The following VPS13D variants were observed in gnomAD, a reference collection of about 807,000 sequenced individuals.
The protein encoded by VPS13D is vacuolar protein sorting 13 homolog D, also known as intermembrane lipid transfer protein VPS13D.
VPS13D carries 187 observed loss-of-function variants against 461.9 expected under a neutral mutation model. The observed-to-expected ratio is 0.40, with a 90% CI of 0.36 to 0.46. The LOEUF (loss-of-function observed/expected upper bound fraction) is 0.46, where lower values mean the gene tolerates loss of function less well. Among genes scored for constraint, VPS13D ranks in the 20% least tolerant of loss-of-function variants. The pLI is 0.60. For synonymous variants in VPS13D, 1,951 were observed against 1,986.3 expected, an observed-to-expected ratio of 0.98 and a Z score of 0.47; for missense variants, 4,711 against 5,364.9, an observed-to-expected ratio of 0.88 and a Z score of 3.81.
chr1:12,366,279 T>G (rs1444885394), intron 52 of VPS13D, among the ~76,000 whole-genome samples: 1 of 152,190 alleles, frequency 6.6e-6, no homozygotes, highest in Non-Finnish European at 1.5e-5. Context: ...TTAATTATAC[T>G]TTGCCCTTGT....
At chr1:12,477,002 C>T (rs1191450285) in intron 67 of VPS13D, among the ~76,000 whole-genome samples, 2 of 152,252 alleles carry the variant, frequency 1.3e-5, no homozygotes, top group East Asian at 3.8e-4. Flanking sequence ...TGATTTGAAA[C>T]AGACCACTGG....
At position 12,507,143 on chromosome 1, in the gene VPS13D, G is replaced by C. The variant is rs12032560; in HGVS notation, c.13035+50G>C. ...TCCTGAGGGGCGGGGCCAGGGCCTC[G>C]ATGCCTCTGCCCTGCTTCCCCGTCC... is the stretch of plus-strand genomic sequence containing the variant. On this transcript the variant is annotated intron_variant, in intron 69 of 69. Coordinates refer to ENST00000620676, the MANE Select transcript of VPS13D (RefSeq NM_015378.4). The surrounding 1 kb of genome is among the most constrained non-coding windows in gnomAD (Gnocchi z 5.3). 1 of 1,611,134 alleles carries C rather than the reference G, an allele frequency of 6.2e-7. No individual in the cohort carries two copies. Among genetic ancestry groups the C allele is most frequent in the Non-Finnish European group, 8.5e-7 (1 of 1,178,376 alleles).
intron 65 of VPS13D, among the ~76,000 whole-genome samples, chr1:12,417,513 G>T (rs951560487): frequency 6.6e-6 from 1 of 152,114 alleles, no homozygotes; most frequent in African/African-American, 2.4e-5. Flanking sequence ...CACTTTTCTT[G>T]TAGAGACTGG....
intron 35 of VPS13D, among the ~76,000 whole-genome samples, chr1:12,325,273 T>C (rs1023839235): frequency 6.6e-6 from 1 of 151,986 alleles, no homozygotes; most frequent in African/African-American, 2.4e-5. Context: ...TTTTTTTTTT[T>C]CTTTGAGACA....
intron 65 of VPS13D, among the ~76,000 whole-genome samples, chr1:12,453,108 A>G (rs1474884161): frequency 2.0e-5 from 3 of 152,216 alleles, no homozygotes; most frequent in Non-Finnish European, 4.4e-5. Flanking sequence ...GAGAACACCC[A>G]GGACCCAGTT....
At chr1:12,334,994 A>G (rs1200456218) in intron 38 of VPS13D, among the ~76,000 whole-genome samples, 2 of 152,214 alleles carry the variant, frequency 1.3e-5, no homozygotes, top group Non-Finnish European at 2.9e-5. Flanking sequence ...TAATTAGTAT[A>G]AAAGATCTTC....
chr1:12,478,324 A>G (rs1029364104), intron 67 of VPS13D, among the ~76,000 whole-genome samples: 4 of 152,248 alleles, frequency 2.6e-5, no homozygotes, highest in African/African-American at 7.2e-5. Context: ...CATAAATTTA[A>G]CCAGCACGAC....
At chr1:12,365,305 T>C (rs1319782379) in intron 52 of VPS13D, among the ~76,000 whole-genome samples, 1 of 152,230 alleles carries the variant, frequency 6.6e-6, no homozygotes, top group Non-Finnish European at 1.5e-5. Flanking sequence ...GCTATTGGGA[T>C]GTTGATAGGG....
chr1:12,312,049 G>A, intron 29 of VPS13D, 124 bp downstream of exon 29: 2 of 723,738 alleles, frequency 2.8e-6, no homozygotes, highest in South Asian at 2.2e-5. Flanking sequence ...TCTGCAGAGT[G>A]TCTTTTGGTT....
chr1:12,398,057 A>G (rs950604598), intron 60 of VPS13D, among the ~76,000 whole-genome samples: 1 of 152,196 alleles, frequency 6.6e-6, no homozygotes, highest in Non-Finnish European at 1.5e-5. Flanking sequence ...TGAATAGTGT[A>G]AAGGAAGGGT....
At chr1:12,455,196 T>C (rs565996948) in intron 65 of VPS13D, among the ~76,000 whole-genome samples, 4 of 152,346 alleles carry the variant, frequency 2.6e-5, no homozygotes, top group African/African-American at 9.6e-5. Context: ...GTTTTTGGCT[T>C]TTGACAAATG....
chr1:12,273,171 T>A, intron 18 of VPS13D, 36 bp downstream of exon 18: 1 of 1,606,978 alleles, frequency 6.2e-7, no homozygotes, highest in Non-Finnish European at 8.5e-7. Flanking sequence ...AAACCTGCCT[T>A]GGTAGATGGA....
intron 39 of VPS13D, chr1:12,338,003 A>T: frequency 2.4e-6 from 1 of 408,840 alleles, no homozygotes; most frequent in Non-Finnish European, 4.5e-6. Flanking sequence ...AAAAAAAAAA[A>T]GCATGTTACT....
At chr1:12,269,613 A>G (rs1641373943) in intron 16 of VPS13D, among the ~76,000 whole-genome samples, 1 of 152,216 alleles carries the variant, frequency 6.6e-6, no homozygotes, top group Non-Finnish European at 1.5e-5. Context: ...AATACTGCAA[A>G]GTTGTAAATG....
chr1:12,272,986 C>A lies in VPS13D; in HGVS notation c.2104-17C>A. ...GGGTTTCGGCAGTTATGGTTAATGACTGTTTTATTTGTACAGGAGGAGAGT... is the reference window on the plus strand; with the variant it reads ...GGGTTTCGGCAGTTATGGTTAATGAATGTTTTATTTGTACAGGAGGAGAGT... On this transcript the variant is annotated splice_polypyrimidine_tract_variant and intron_variant, in intron 17 of 69. Transcript: ENST00000620676. 3 of 1,610,554 alleles carry A rather than the reference C, an allele frequency of 1.9e-6. No individual in the cohort carries two copies. Among genetic ancestry groups the A allele is most frequent in the Non-Finnish European group, 2.5e-6 (3 of 1,178,672 alleles).
chr1:12,314,397 C>G, intron 30 of VPS13D, 70 bp downstream of exon 30: 1 of 1,490,948 alleles, frequency 6.7e-7, no homozygotes, highest in African/African-American at 1.4e-5. Context: ...TCTTTGTTGG[C>G]TTTAGAACAT....
At position 12,342,943 on chromosome 1, in the gene VPS13D, G is replaced by T. The variant is rs770461041; in HGVS notation, c.8777G>T (p.Gly2926Val). The T allele has an allele frequency of 5.6e-6, 9 of 1,613,532 alleles. No homozygotes were observed. In the Admixed American group the frequency reaches 1.5e-4, roughly 27 times the overall value. Residue 2926 changes from glycine to valine, a missense_variant, in exon 42 of 70, where the codon GGG becomes GTG. Gly to Val is a moderately radical substitution (Grantham distance 109, BLOSUM62 -3). Transcript: ENST00000620676. The stretch of plus-strand genomic sequence containing the variant: ...GGGAGTCCAGGGGTAGTTCCAGAAG[G>T]GAACGGAACATTTCTCGATGATACT... Reference protein sequence around the residue: ...HSGSPGVVPEGNGTFLDDTHN... With the variant: ...HSGSPGVVPEVNGTFLDDTHN...
intron 35 of VPS13D, among the ~76,000 whole-genome samples, chr1:12,326,632 G>T (rs1470988965): frequency 1.3e-5 from 2 of 151,154 alleles, no homozygotes; most frequent in African/African-American, 4.9e-5. Context: ...ACTGTGCTCG[G>T]CCTCTGTTTG....
rs770618083 is a variant in VPS13D at position 12,249,122 on chromosome 1, AT to A, written c.448-98del. On this transcript the variant is annotated intron_variant, in intron 5 of 69. Transcript: ENST00000620676. The stretch of plus-strand genomic sequence containing the variant: ...GGGCAGTTTGACCCCTAACTATAGT[AT>A]TTCACCTACAGCAGTTATCTAAATG... 7.1e-5 allele frequency: 67 copies of A among 941,038 alleles called. 1 individual carries two copies. Among genetic ancestry groups the A allele is most frequent in the Non-Finnish European group, 9.9e-5 (63 of 634,478 alleles). 58.3% of individuals were successfully genotyped at this position (941,038 alleles called of 1,614,324 possible).
Sources: allele counts gnomAD v4.1 joint callset (sites outside exome capture counted in the v4.1 genomes callset), GRCh38; gene constraint gnomAD v4.1.1; non-coding constraint Gnocchi (gnomAD v3.1); transcripts MANE v1.5; gene names NCBI Gene and HGNC (gene_info 2026-07-23, HGNC 2026-07-21).